SUCO: variants seen among roughly 807,000 people sequenced by gnomAD.
The protein encoded by SUCO is SUN domain containing ossification factor.
In SUCO, 57 loss-of-function variants were observed where a neutral mutation model predicts 148.1. That is an observed-to-expected ratio of 0.38 (90% CI 0.31 to 0.48). The LOEUF (loss-of-function observed/expected upper bound fraction) is 0.48. Ranked by LOEUF, SUCO falls within the 20% of genes least tolerant of loss-of-function variation. The pLI is 0.96. For missense variants in SUCO, 1,331 were observed against 1,468.2 expected (o/e 0.91, Z 1.53); for synonymous variants, 470 against 502.7 (o/e 0.93, Z 0.87).
At chr1:172,533,530 G>T (rs760770569) in intron 1 of SUCO, 33 bp downstream of exon 1, 36 of 1,513,086 alleles carry the variant, frequency 2.4e-5, no homozygotes, top group Non-Finnish European at 3.0e-5. Context: ...GAGTTCCCGT[G>T]AGGGGAGTAA....
chr1:172,567,425 T>C (rs1188860130), intron 6 of SUCO, among the ~76,000 whole-genome samples: 2 of 152,250 alleles, frequency 1.3e-5, no homozygotes, highest in African/African-American at 2.4e-5. Context: ...TGTCTTCAGA[T>C]ATAACCACTG....
intron 1 of SUCO, among the ~76,000 whole-genome samples, chr1:172,547,098 A>G (rs1019828057): frequency 3.3e-5 from 5 of 152,198 alleles, no homozygotes; most frequent in Non-Finnish European, 7.3e-5. Flanking sequence ...TTCTGTCACC[A>G]TGGATTAGTT....
At chr1:172,564,921 T>A (rs1654446861) in intron 6 of SUCO, among the ~76,000 whole-genome samples, 1 of 152,216 alleles carries the variant, frequency 6.6e-6, no homozygotes, top group South Asian at 2.1e-4. Context: ...CAATAAAAAA[T>A]ACATTTCTTT....
chr1:172,569,837 GTAGT>G (rs1275118672), intron 7 of SUCO: 1 of 189,582 alleles, frequency 5.3e-6, no homozygotes, highest in African/African-American at 2.4e-5. Flanking sequence ...GTAGAATTTT[GTAGT>G]TAATTTGTTT....
chr1:172,605,433 G>A (rs1182568759), intron 22 of SUCO, among the ~76,000 whole-genome samples: 2 of 151,658 alleles, frequency 1.3e-5, no homozygotes, highest in Non-Finnish European at 3.0e-5. Flanking sequence ...TTCCCATTGA[G>A]TGGTCTTTGC....
At chr1:172,557,831 T>G in intron 6 of SUCO, 37 bp downstream of exon 6, 1 of 1,477,306 alleles carries the variant, frequency 6.8e-7, no homozygotes. Context: ...TACTTCTTTA[T>G]GTAATGCATT....
Position 172,558,587 on chromosome 1 carries a change from C to G in SUCO, c.732+793C>G, listed in dbSNP as rs187065569. The stretch of plus-strand genomic sequence containing the variant: ...CGTATTTTCAGTGAATCTTCACTTA[C>G]GACTAACTAAACTTCATTCTGGAGA... On this transcript the variant is annotated intron_variant, in intron 6 of 23. Coordinates refer to ENST00000263688, the MANE Select transcript of SUCO (RefSeq NM_014283.5). Among the ~76,000 whole-genome samples, 7 of 152,170 alleles carry G rather than the reference C, an allele frequency of 4.6e-5. 1 individual carries two copies. The highest frequency in any genetic ancestry group is 2.9e-5 in the Non-Finnish European group (2 of 68,024).
chr1:172,591,133 C>T (rs1476559422), intron 19 of SUCO, 62 bp downstream of exon 19: 4 of 1,231,444 alleles, frequency 3.2e-6, no homozygotes, highest in Non-Finnish European at 4.7e-6. Flanking sequence ...TGTAGGGTCT[C>T]ACTGGTAAAC....
chr1:172,554,893 T>A (rs1653610701), intron 3 of SUCO, among the ~76,000 whole-genome samples: 1 of 152,218 alleles, frequency 6.6e-6, no homozygotes, highest in South Asian at 2.1e-4. Flanking sequence ...TTTTTGTGAA[T>A]TTCTCGGTGT....
At chr1:172,532,993 G>T (rs1651703266), upstream of SUCO, 5 of 1,406,156 alleles carry the variant, frequency 3.6e-6, no homozygotes, top group African/African-American at 1.4e-5. Flanking sequence ...GCTGGTGGGG[G>T]TGCGGGCGCC....
intron 15 of SUCO, among the ~76,000 whole-genome samples, chr1:172,582,547 C>T (rs887653095): frequency 2.0e-5 from 3 of 152,006 alleles, no homozygotes; most frequent in Admixed American, 6.6e-5. Context: ...GTTGACTAAT[C>T]CAGGAGAAAT....
chr1:172,601,005 G>C (rs868860976), intron 20 of SUCO, among the ~76,000 whole-genome samples: 1 of 152,160 alleles, frequency 6.6e-6, no homozygotes, highest in Non-Finnish European at 1.5e-5. Context: ...GCAGAGGCCT[G>C]GTCATGTAGG....
In SUCO at chr1:172,602,777, T is replaced by G; in HGVS notation, c.3255T>G (p.Thr1085=). ...TGAGATCCAAGTCTCTACAGTTAACTGGCAAAGAAGGTAGATTTCTGTGGA... is the reference window on the plus strand; with the variant it reads ...TGAGATCCAAGTCTCTACAGTTAACGGGCAAAGAAGGTAGATTTCTGTGGA... ...PLMRSKSLQL[T]GKEVDPNDLY... is the part of the protein sequence containing the mutation. The change falls in exon 22 of 24, where the codon ACT becomes ACG. Residue 1085 remains threonine (T), a synonymous_variant. Transcript: ENST00000263688. The G allele has an allele frequency of 1.9e-6, 3 of 1,611,314 alleles. No homozygotes were observed. The highest frequency in any genetic ancestry group is 2.5e-6 in the Non-Finnish European group (3 of 1,178,280).
Position 172,533,390 on chromosome 1 carries a change from C to T in SUCO, c.-46C>T. On this transcript the variant is annotated 5_prime_UTR_variant, in exon 1 of 24. Transcript: ENST00000263688. ...ATCTTGGCCTCGGCAGTGGCGGCTG[C>T]CGGGAGGATGTGCCGCCTTCTGGCA... The T allele has an allele frequency of 6.4e-7, 1 of 1,551,726 alleles. No homozygotes were observed.
chr1:172,536,344 A>G (rs560838838), intron 1 of SUCO, among the ~76,000 whole-genome samples: 5 of 152,266 alleles, frequency 3.3e-5, no homozygotes, highest in African/African-American at 1.2e-4. Flanking sequence ...AACTTCTTTG[A>G]ACCTTAGTTG....
In SUCO at chr1:172,605,342, T is replaced by C. The variant is rs376696049; in HGVS notation, c.3265+2555T>C. On this transcript the variant is annotated intron_variant, in intron 22 of 23. Coordinates refer to ENST00000263688, the MANE Select transcript of SUCO (RefSeq NM_014283.5). ...ATTTTGTGTTGATTTTTGTATATAG[T>C]ATAAGATAAGGGTCCAGTTTCATTC... Among the ~76,000 whole-genome samples the C allele has an allele frequency of 3.9e-5, 6 of 152,044 alleles. No homozygotes were observed. The East Asian group carries it at 9.6e-4, about 24-fold the overall frequency.
At chr1:172,539,139 G>A (rs1652249727) in intron 1 of SUCO, among the ~76,000 whole-genome samples, 1 of 152,130 alleles carries the variant, frequency 6.6e-6, no homozygotes, top group East Asian at 1.9e-4. Flanking sequence ...TCTGAATGGA[G>A]AAAAGAATCA....
In SUCO at chr1:172,550,101, G is replaced by A. The variant is rs186326192; in HGVS notation, c.63-1411G>A. ...ATTTGTCTTTCTAGTCACCCTGGGG[G>A]TTTCCTTTGCCTCTGTTATCTCAGT... On this transcript the variant is annotated intron_variant, in intron 1 of 23. Coordinates refer to ENST00000263688, the MANE Select transcript of SUCO (RefSeq NM_014283.5). Among the ~76,000 whole-genome samples, 9 of 151,814 alleles carry A rather than the reference G, an allele frequency of 5.9e-5. No individual in the cohort carries two copies. The East Asian group carries it at 1.5e-3, about 26-fold the overall frequency.
chr1:172,585,755 A>C (rs1376061810), intron 16 of SUCO, 103 bp from the exon 17 acceptor site: 1 of 727,550 alleles, frequency 1.4e-6, no homozygotes. Context: ...TAGCAAACCT[A>C]TTTGGCTTTT....
Sources: allele counts gnomAD v4.1 joint callset (sites outside exome capture counted in the v4.1 genomes callset), GRCh38; gene constraint gnomAD v4.1.1; transcripts MANE v1.5; gene names NCBI Gene and HGNC (gene_info 2026-07-23, HGNC 2026-07-21).